The following DNAJC5B variants were observed in gnomAD, a reference collection of about 807,000 sequenced individuals.
DNAJC5B encodes DnaJ heat shock protein family (Hsp40) member C5 beta.
In DNAJC5B, 23 loss-of-function variants were observed where a neutral mutation model predicts 24.7. The ratio of observed to expected loss-of-function variants is 0.93; its 90% CI spans 0.67 to 1.32. The LOEUF (loss-of-function observed/expected upper bound fraction) is 1.32, where lower values mean the gene tolerates loss of function less well. Among genes scored for constraint, DNAJC5B ranks in the 40% most tolerant of loss-of-function variants. DNAJC5B has a pLI of 0.00. For missense variants in DNAJC5B, 238 were observed against 240.8 expected, an observed-to-expected ratio of 0.99 and a Z score of 0.08; for synonymous variants, 101 against 90.1, an observed-to-expected ratio of 1.12 and a Z score of -0.68.
chr8:66,040,740 C>T lies in DNAJC5B; in HGVS notation c.-141-2748C>T, dbSNP rs988872806. ...TTTGCTTTGGGATAGTCTGGGTGGG[C>T]CCTGGGCGTCAGAATTCTTAAAATC... On this transcript the variant is annotated intron_variant, in intron 1 of 5. Transcript: ENST00000276570. Among the ~76,000 whole-genome samples, 5 of 152,096 alleles carry T rather than the reference C, an allele frequency of 3.3e-5. No homozygotes were observed. The East Asian group carries it at 7.7e-4, about 23-fold the overall frequency.
chr8:66,078,235 T>G (rs973162847), intron 4 of DNAJC5B, among the ~76,000 whole-genome samples: 31 of 152,182 alleles, frequency 2.0e-4, no homozygotes. Context: ...GTGTGAGAGA[T>G]ATGCAAAATA....
chr8:66,024,004 A>T (rs1242155495), intron 1 of DNAJC5B, among the ~76,000 whole-genome samples: 1 of 152,264 alleles, frequency 6.6e-6, no homozygotes, highest in Admixed American at 6.5e-5. Context: ...AATGAAATGA[A>T]GAATTTTTAA....
intron 3 of DNAJC5B, among the ~76,000 whole-genome samples, chr8:66,074,028 T>C (rs1439129082): frequency 1.3e-5 from 2 of 152,174 alleles, no homozygotes; most frequent in Non-Finnish European, 1.5e-5. Context: ...ATATATGCAA[T>C]ACATATAACT....
intron 3 of DNAJC5B, among the ~76,000 whole-genome samples, chr8:66,069,174 T>C (rs1219126443): frequency 1.3e-5 from 2 of 152,044 alleles, no homozygotes; most frequent in East Asian, 3.9e-4. Flanking sequence ...AATATGAGTA[T>C]ATTTTAGAAG....
At chr8:66,018,526 AAAAC>A (rs1325660829), upstream of DNAJC5B, among the ~76,000 whole-genome samples, 3 of 152,144 alleles carry the variant, frequency 2.0e-5, no homozygotes, top group Admixed American at 1.3e-4. Flanking sequence ...CTCAGAAAAC[AAAAC>A]AAACAAACAA....
At chr8:66,040,797 A>T (rs1369553918) in intron 1 of DNAJC5B, among the ~76,000 whole-genome samples, 1 of 152,216 alleles carries the variant, frequency 6.6e-6, no homozygotes, top group Non-Finnish European at 1.5e-5. Flanking sequence ...AGTTATAAAT[A>T]GTTCTCTCTG....
chr8:66,090,816 C>T (rs192000971), intron 5 of DNAJC5B, among the ~76,000 whole-genome samples: 6 of 152,252 alleles, frequency 3.9e-5, no homozygotes, highest in Admixed American at 3.3e-4. Context: ...TTTTGCCACT[C>T]ACCACTCAAG....
At chr8:66,022,151 T>A (rs1471257831) in intron 1 of DNAJC5B, among the ~76,000 whole-genome samples, 3 of 152,140 alleles carry the variant, frequency 2.0e-5, no homozygotes, top group Non-Finnish European at 4.4e-5. Context: ...GCCTTTTGGT[T>A]GAGAAGTAAG....
chr8:66,059,519 T>C (rs4368961), intron 3 of DNAJC5B, among the ~76,000 whole-genome samples: 96,224 of 152,022 alleles, frequency 0.63, 32,374 homozygotes, highest in African/African-American at 0.88. Flanking sequence ...GACAGTGGGA[T>C]GATTGAACAA....
At chr8:66,031,473 C>T (rs1164143652) in intron 1 of DNAJC5B, among the ~76,000 whole-genome samples, 2 of 152,110 alleles carry the variant, frequency 1.3e-5, no homozygotes, top group African/African-American at 4.8e-5. Context: ...TAAGCACCTA[C>T]TGTATTAGTC....
intron 1 of DNAJC5B, among the ~76,000 whole-genome samples, chr8:66,029,960 A>G (rs1024838656): frequency 1.3e-4 from 20 of 152,176 alleles, no homozygotes; most frequent in African/African-American, 3.4e-4. Flanking sequence ...CATTTGTTAC[A>G]GTCTCCAGGG....
chr8:66,068,114 T>C (rs564969582), intron 3 of DNAJC5B, among the ~76,000 whole-genome samples: 3 of 152,322 alleles, frequency 2.0e-5, no homozygotes, highest in South Asian at 2.1e-4. Context: ...TGGTTTAAGA[T>C]AATATCTTCT....
chr8:66,075,557 T>A (rs1396840387), intron 3 of DNAJC5B, among the ~76,000 whole-genome samples: 1 of 152,224 alleles, frequency 6.6e-6, no homozygotes, highest in African/African-American at 2.4e-5. Context: ...GTCCTATCTA[T>A]AAGAATTTAT....
chr8:66,097,266 G>A (rs1807974485), intron 5 of DNAJC5B, among the ~76,000 whole-genome samples: 1 of 145,714 alleles, frequency 6.9e-6, no homozygotes, highest in South Asian at 2.1e-4. Flanking sequence ...TCTGTCCTCT[G>A]ATTTGGAAAT....
chr8:66,037,737 A>C (rs1806519373), intron 1 of DNAJC5B, among the ~76,000 whole-genome samples: 10 of 152,276 alleles, frequency 6.6e-5, no homozygotes, highest in Admixed American at 5.2e-4. Flanking sequence ...GCAGGAAAGC[A>C]GACGGCTTTG....
At chr8:66,072,584 A>T (rs750623197) in intron 3 of DNAJC5B, among the ~76,000 whole-genome samples, 13 of 152,198 alleles carry the variant, frequency 8.5e-5, no homozygotes, top group Admixed American at 2.6e-4. Context: ...AAAGAGCAAA[A>T]TTTTTAAATA....
intron 5 of DNAJC5B, among the ~76,000 whole-genome samples, chr8:66,092,012 G>A (rs1209307661): frequency 1.3e-5 from 2 of 152,094 alleles, no homozygotes; most frequent in Non-Finnish European, 2.9e-5. Context: ...GGGCCTGTGG[G>A]GCAGGAAGAA....
chr8:66,034,222 T>G (rs1222143770), intron 1 of DNAJC5B, among the ~76,000 whole-genome samples: 1 of 127,024 alleles, frequency 7.9e-6, no homozygotes, highest in Non-Finnish European at 1.8e-5. Flanking sequence ...TAAGTGGGAA[T>G]GTCTTTTGCT....
At chr8:66,054,018 T>A (rs1806911591) in intron 3 of DNAJC5B, among the ~76,000 whole-genome samples, 1 of 151,840 alleles carries the variant, frequency 6.6e-6, no homozygotes, top group Non-Finnish European at 1.5e-5. Context: ...GGCTGTGGCC[T>A]ACGGTTATTT....
Sources: gnomAD v4.1 joint callset for allele counts (sites outside exome capture counted in the v4.1 genomes callset) on GRCh38, gnomAD v4.1.1 for gene constraint, MANE v1.5 for transcripts, NCBI Gene and HGNC (gene_info 2026-07-23, HGNC 2026-07-21) for gene names.